Variants in SESTD1 observed in about 807,000 individuals in gnomAD.
SESTD1 encodes the protein SEC14 domain and spectrin repeat-containing protein 1.
Under a neutral mutation model 101.7 loss-of-function variants are expected in SESTD1, and 43 were observed. The observed-to-expected ratio is 0.42, with a 90% CI of 0.33 to 0.55. The LOEUF (loss-of-function observed/expected upper bound fraction) is 0.55. Ranked by LOEUF, SESTD1 falls within the 20% of genes least tolerant of loss-of-function variation. SESTD1 has a pLI of 0.07. For synonymous variants in SESTD1, 283 were observed against 286.8 expected, an observed-to-expected ratio of 0.99 and a Z score of 0.13; for missense variants, 647 against 815.1, an observed-to-expected ratio of 0.79 and a Z score of 2.51.
At position 179,210,321 on chromosome 2, in the gene SESTD1, A is replaced by C. The variant is rs147850183; in HGVS notation, c.-25-18455T>G. On this transcript the variant is annotated intron_variant, in intron 1 of 17. Transcript: ENST00000428443. ...CAAGATAAACAGGGAATCCTCCCTA[A>C]ATCATTCTGTGAAGCCAGTATTCCC... Among the ~76,000 whole-genome samples the C allele has an allele frequency of 6.4e-4, 87 of 135,048 alleles. 7 individuals are homozygous for C. In the East Asian group the frequency reaches 0.016, roughly 26 times the overall value. 88.6% of individuals were successfully genotyped at this position (135,048 alleles called of 152,430 possible). A position where few individuals can be genotyped will look rare whatever the true frequency, so the allele number is the denominator to read the frequency against.
At chr2:179,121,973 C>T (rs567262555) in intron 12 of SESTD1, 44 bp from the exon 13 acceptor site, 72 of 1,542,252 alleles carry the variant, frequency 4.7e-5, no homozygotes, top group Middle Eastern at 1.7e-4. Context: ...ACAACTAAGG[C>T]GCTTTCCCTC....
intron 1 of SESTD1, among the ~76,000 whole-genome samples, chr2:179,228,444 C>T (rs2105534900): frequency 6.6e-6 from 1 of 152,296 alleles, no homozygotes; most frequent in South Asian, 2.1e-4. Context: ...AAAGATGTTG[C>T]AATGACTTTG....
intron 10 of SESTD1, among the ~76,000 whole-genome samples, chr2:179,131,371 A>G (rs888777996): frequency 1.3e-5 from 2 of 152,202 alleles, no homozygotes; most frequent in Non-Finnish European, 2.9e-5. Flanking sequence ...TTTAGTTAAA[A>G]ATGGACATTT....
Position 179,103,082 on chromosome 2 carries a change from A to G in SESTD1, c.*6817T>C, listed in dbSNP as rs1175707492. The G allele has an allele frequency of 6.6e-6, 1 of 152,146 alleles. No homozygotes were observed. The highest frequency in any genetic ancestry group is 1.9e-4 in the East Asian group (1 of 5,200). The allele number at this position is 152,146 out of a possible 1,614,324, so 9.4% of individuals were successfully genotyped here. ...TGAAAACGGGTGGTGAAAGTTAGTA[A>G]CATAAACAAACCAGTGCTGTTTCTT... On this transcript the variant is annotated 3_prime_UTR_variant, in exon 18 of 18. Transcript: ENST00000428443.
At chr2:179,154,245 A>T (rs545741337) in intron 5 of SESTD1, among the ~76,000 whole-genome samples, 3 of 140,968 alleles carry the variant, frequency 2.1e-5, no homozygotes, top group African/African-American at 7.6e-5. Context: ...ACGGAAGGAA[A>T]GGAAGGGAAG....
chr2:179,160,233 C>T (rs949302680), intron 5 of SESTD1, among the ~76,000 whole-genome samples: 27 of 152,226 alleles, frequency 1.8e-4, no homozygotes, highest in South Asian at 8.3e-4. Flanking sequence ...GAAAAGATTC[C>T]CCCTCAAAAT....
intron 17 of SESTD1, among the ~76,000 whole-genome samples, chr2:179,112,191 C>G (rs531310431): frequency 6.6e-6 from 1 of 152,292 alleles, no homozygotes; most frequent in African/African-American, 2.4e-5. Flanking sequence ...TGGAGCCACA[C>G]AGACATACCT....
Position 179,108,907 on chromosome 2 carries a change from TAAC to T in SESTD1, c.*989_*991del, listed in dbSNP as rs752847651. 3 of 152,126 alleles carry T rather than the reference TAAC, an allele frequency of 2.0e-5. No individual in the cohort carries two copies. Among genetic ancestry groups the T allele is most frequent in the Non-Finnish European group, 4.4e-5 (3 of 68,002 alleles). The allele number at this position is 152,126 out of a possible 1,614,324, so 9.4% of individuals were successfully genotyped here. The stretch of plus-strand genomic sequence containing the variant: ...ACTATAATGAGAAACTAAATTTTAT[TAAC>T]AATTGCTATTTTAGTTCCTGAAAGA... On this transcript the variant is annotated 3_prime_UTR_variant, in exon 18 of 18. Transcript: ENST00000428443.
At chr2:179,154,387 T>A (rs2045587314) in intron 5 of SESTD1, among the ~76,000 whole-genome samples, 1 of 152,196 alleles carries the variant, frequency 6.6e-6, no homozygotes, top group Non-Finnish European at 1.5e-5. Flanking sequence ...ACTGTATTAC[T>A]GGATAGACAA....
intron 3 of SESTD1, among the ~76,000 whole-genome samples, chr2:179,179,370 G>A (rs751880123): frequency 7.2e-5 from 11 of 152,124 alleles, no homozygotes; most frequent in Admixed American, 4.6e-4. Flanking sequence ...GGGTGACATA[G>A]CTGAGTTAAA....
At chr2:179,244,565 T>C (rs1180735204) in intron 1 of SESTD1, among the ~76,000 whole-genome samples, 5 of 151,466 alleles carry the variant, frequency 3.3e-5, no homozygotes, top group Non-Finnish European at 7.4e-5. Context: ...CTCTACTCAG[T>C]AAAAATATAT....
intron 5 of SESTD1, 120 bp downstream of exon 5, chr2:179,172,000 G>T: frequency 1.9e-6 from 1 of 525,104 alleles, no homozygotes; most frequent in Non-Finnish European, 3.4e-6. Flanking sequence ...TATTACTTAG[G>T]CACTAATTAA....
chr2:179,129,420 T>C (rs1032639968), intron 10 of SESTD1, among the ~76,000 whole-genome samples: 3 of 152,214 alleles, frequency 2.0e-5, no homozygotes, highest in Non-Finnish European at 4.4e-5. Flanking sequence ...CCAAGTTAAC[T>C]TCTAATTACC....
rs868148514 is a variant in SESTD1, at chr2:179,109,922, C to A, written c.2068G>T (p.Glu690Ter). The stretch of plus-strand genomic sequence containing the variant: ...TATTAGCTCTCTGTGGTCACCATTT[C>A]AGGATGTCTCAGCTGCTGCCTTTTG... ...NLKRQQLRHP[E>*]MVTTES Residue 690 changes from glutamate to a stop codon, truncating the protein, a stop_gained, in exon 18 of 18, where the codon GAA becomes TAA. Coordinates refer to ENST00000428443, the MANE Select transcript of SESTD1 (RefSeq NM_178123.5). LOFTEE classifies it high-confidence loss of function. The A allele has an allele frequency of 6.2e-7, 1 of 1,613,884 alleles. No homozygotes were observed. Among genetic ancestry groups the A allele is most frequent in the Admixed American group, 1.7e-5 (1 of 60,002 alleles).
At chr2:179,207,576 T>C (rs1391672103) in intron 1 of SESTD1, among the ~76,000 whole-genome samples, 1 of 134,702 alleles carries the variant, frequency 7.4e-6, no homozygotes, top group Non-Finnish European at 1.6e-5. Flanking sequence ...TTTGCAGACA[T>C]TCCCCAGCAC....
At chr2:179,146,492 A>C (rs1303581919) in intron 7 of SESTD1, 35 bp from the exon 8 acceptor site, 1 of 1,558,762 alleles carries the variant, frequency 6.4e-7, no homozygotes, top group African/African-American at 1.4e-5. Flanking sequence ...TTCAAAAGGC[A>C]TATTTCTATC....
At chr2:179,182,130 C>A (rs1470924356) in intron 3 of SESTD1, among the ~76,000 whole-genome samples, 1 of 151,914 alleles carries the variant, frequency 6.6e-6, no homozygotes, top group Non-Finnish European at 1.5e-5. Flanking sequence ...CAATAAAATG[C>A]AAATACAGGA....
intron 2 of SESTD1, among the ~76,000 whole-genome samples, chr2:179,187,351 A>G (rs1451127423): frequency 6.6e-6 from 1 of 152,204 alleles, no homozygotes; most frequent in African/African-American, 2.4e-5. Context: ...TTGGCCAAGC[A>G]CAGTAGCTCA....
chr2:179,251,491 T>C (rs1408719014), intron 1 of SESTD1, among the ~76,000 whole-genome samples: 2 of 152,234 alleles, frequency 1.3e-5, no homozygotes, highest in African/African-American at 4.8e-5. Context: ...AATCCAGACC[T>C]GTCCTTGCTC....
Sources: allele counts gnomAD v4.1 joint callset (sites outside exome capture counted in the v4.1 genomes callset), GRCh38; gene constraint gnomAD v4.1.1; transcripts MANE v1.5; gene names NCBI Gene and HGNC (gene_info 2026-07-23, HGNC 2026-07-21).